Variants in ATP8A2 observed in about 807,000 individuals in gnomAD.
ATP8A2 encodes the protein ATPase phospholipid transporting 8A2.
ATP8A2 carries 100 observed loss-of-function variants against 165.6 expected under a neutral mutation model. The ratio of observed to expected loss-of-function variants is 0.60; its 90% confidence interval spans 0.51 to 0.71. The LOEUF (loss-of-function observed/expected upper bound fraction) is 0.71. ATP8A2 is among the 30% of genes least tolerant of loss of function. The probability of loss-of-function intolerance (pLI) is 0.00; values close to 1 mark genes in which losing one functional copy is unlikely to be tolerated. For missense variants in ATP8A2, 1,227 were observed against 1,479.5 expected, an observed-to-expected ratio of 0.83 and a Z score of 2.80; for synonymous variants, 543 against 548.8, an observed-to-expected ratio of 0.99 and a Z score of 0.15.
chr13:25,569,356 A>G (rs1056606203), intron 16 of ATP8A2, among the ~76,000 whole-genome samples: 3 of 152,214 alleles, frequency 2.0e-5, no homozygotes, highest in Non-Finnish European at 4.4e-5. Flanking sequence ...CACATTCACA[A>G]GACAGAGAAG....
At chr13:25,472,328 A>G (rs949347027) in intron 2 of ATP8A2, among the ~76,000 whole-genome samples, 6 of 151,412 alleles carry the variant, frequency 4.0e-5, no homozygotes, top group African/African-American at 1.5e-4. Context: ...CAGGAGGCAG[A>G]GATTGCAATG....
At chr13:25,556,855 C>T (rs2038996945) in intron 13 of ATP8A2, among the ~76,000 whole-genome samples, 1 of 152,160 alleles carries the variant, frequency 6.6e-6, no homozygotes, top group Non-Finnish European at 1.5e-5. Context: ...CCAAGCTTCC[C>T]TGCCTGGTGA....
At chr13:25,632,076 A>G (rs528295065) in intron 24 of ATP8A2, among the ~76,000 whole-genome samples, 1 of 152,102 alleles carries the variant, frequency 6.6e-6, no homozygotes, top group Admixed American at 6.6e-5. Flanking sequence ...AAACTCAGGG[A>G]AACACTTTAC....
intron 33 of ATP8A2, among the ~76,000 whole-genome samples, chr13:25,919,284 C>T (rs1954368120): frequency 6.6e-6 from 1 of 152,204 alleles, no homozygotes; most frequent in South Asian, 2.1e-4. Context: ...TCCGCTAAAG[C>T]ATCCAGCATA....
intron 27 of ATP8A2, among the ~76,000 whole-genome samples, chr13:25,788,566 T>A (rs748422847): frequency 2.4e-4 from 36 of 152,186 alleles, no homozygotes; most frequent in Non-Finnish European, 4.0e-4. Flanking sequence ...ATCCAGAATC[T>A]TCCCCACAAC....
At chr13:26,018,673 G>A in intron 36 of ATP8A2, among the ~76,000 whole-genome samples, 1 of 152,160 alleles carries the variant, frequency 6.6e-6, no homozygotes, top group East Asian at 1.9e-4. Flanking sequence ...GGGCCAGTTG[G>A]AAGAAAAGCC....
chr13:25,874,138 C>A (rs2138821353), intron 33 of ATP8A2, among the ~76,000 whole-genome samples: 1 of 152,290 alleles, frequency 6.6e-6, no homozygotes, highest in East Asian at 1.9e-4. Context: ...CTTCCTGTTG[C>A]CCTCAGGATA....
chr13:25,802,789 C>T (rs938554931), intron 27 of ATP8A2, among the ~76,000 whole-genome samples: 11 of 152,140 alleles, frequency 7.2e-5, no homozygotes, highest in Admixed American at 2.6e-4. Context: ...TTCCACTTCC[C>T]TTTCATTCCA....
intron 35 of ATP8A2, among the ~76,000 whole-genome samples, chr13:25,983,636 T>A (rs1475231007): frequency 6.6e-6 from 1 of 152,204 alleles, no homozygotes; most frequent in Non-Finnish European, 1.5e-5. Flanking sequence ...CTGAGAACTT[T>A]CCAGGCATGG....
In ATP8A2 at chr13:26,022,301, A is replaced by G. The variant is rs529152035; in HGVS notation, c.*2316A>G. The G allele has an allele frequency of 5.6e-4, 85 of 152,354 alleles. No homozygotes were observed. Among genetic ancestry groups the G allele is most frequent in the African/African-American group, 2.0e-3 (83 of 41,582 alleles). The allele number at this position is 152,354 out of a possible 1,614,324, so 9.4% of individuals were successfully genotyped here. A position where few individuals can be genotyped will look rare whatever the true frequency, so the allele number is the denominator to read the frequency against. The stretch of plus-strand genomic sequence containing the variant: ...ATTTGGGAACTAAGCCTATTTGGAA[A>G]GAGTGGATTAGAAATTGAATTCTTT... On this transcript the variant is annotated 3_prime_UTR_variant, in exon 37 of 37. Coordinates refer to ENST00000381655, the MANE Select transcript of ATP8A2 (RefSeq NM_016529.6).
rs534351134 is a variant in ATP8A2 at position 25,793,281 on chromosome 13, G to A, written c.2679+18322G>A. 7.2e-5 allele frequency among the ~76,000 whole-genome samples: 11 copies of A among 152,208 alleles called. No homozygotes were observed. In the South Asian group the frequency reaches 2.1e-3, roughly 29 times the overall value. On this transcript the variant is annotated intron_variant, in intron 27 of 36. Transcript: ENST00000381655. Reference sequence around the variant, plus strand: ...TTCACATACCTGTTTTAATTGCTCTGGAGAATGCCTGATTCTCTGAGTTAT... The same window carrying A: ...TTCACATACCTGTTTTAATTGCTCTAGAGAATGCCTGATTCTCTGAGTTAT...
chr13:25,817,934 A>G (rs944580479), intron 27 of ATP8A2, among the ~76,000 whole-genome samples: 2 of 151,932 alleles, frequency 1.3e-5, no homozygotes, highest in Non-Finnish European at 2.9e-5. Flanking sequence ...TGCTGCCTCA[A>G]CCTCCCAAAG....
chr13:26,015,185 C>T (rs188781655), intron 36 of ATP8A2, among the ~76,000 whole-genome samples: 78 of 152,262 alleles, frequency 5.1e-4, no homozygotes, highest in African/African-American at 1.8e-3. Flanking sequence ...TCTGAAATCA[C>T]ACCACATTTT....
rs563411682 is a variant in ATP8A2, at chr13:25,654,446, T to C, written c.2212-44727T>C. Among the ~76,000 whole-genome samples, 6 of 152,310 alleles carry C rather than the reference T, an allele frequency of 3.9e-5. 1 individual carries two copies. In the East Asian group the frequency reaches 9.7e-4, roughly 25 times the overall value. On this transcript the variant is annotated intron_variant, in intron 24 of 36. Coordinates refer to ENST00000381655, the MANE Select transcript of ATP8A2 (RefSeq NM_016529.6). ...TTTAAACTCCTGGGCTCAAATGATC[T>C]GCCCGCCTTGGCCTCCTCCCAAAGT...
intron 25 of ATP8A2, among the ~76,000 whole-genome samples, chr13:25,713,272 C>T (rs772956180): frequency 6.6e-6 from 1 of 152,152 alleles, no homozygotes; most frequent in Non-Finnish European, 1.5e-5. Flanking sequence ...CAAATGTCAT[C>T]GTTCCCACTA....
At chr13:25,920,877 G>C (rs1247788895) in intron 33 of ATP8A2, among the ~76,000 whole-genome samples, 6 of 152,228 alleles carry the variant, frequency 3.9e-5, no homozygotes, top group African/African-American at 1.4e-4. Flanking sequence ...AGGAGTTCGA[G>C]ACCAGCCTGG....
At chr13:25,468,934 A>C in intron 1 of ATP8A2, 43 bp from the exon 2 acceptor site, 1 of 1,586,324 alleles carries the variant, frequency 6.3e-7, no homozygotes, top group South Asian at 1.1e-5. Flanking sequence ...CTGGCGGTTG[A>C]CTTCTTTGTG....
Position 25,399,429 on chromosome 13 carries a change from C to T in ATP8A2, c.76+27141C>T, listed in dbSNP as rs1171307730. Among the ~76,000 whole-genome samples the T allele has an allele frequency of 4.2e-3, 317 of 75,778 alleles. 6 individuals carry two copies. In the Admixed American group the frequency reaches 0.054, roughly 13 times the overall value. The allele number at this position is 75,778 out of a possible 152,430, so 49.7% of individuals were successfully genotyped here. A position where few individuals can be genotyped will look rare whatever the true frequency, so the allele number is the denominator to read the frequency against. The stretch of plus-strand genomic sequence containing the variant: ...TTTTTTTTTTTTTGAGACGGAGTTT[C>T]GCTCTGTCGCCCAGGCTGGAGTGCA... On this transcript the variant is annotated intron_variant, in intron 1 of 36. Coordinates refer to ENST00000381655, the MANE Select transcript of ATP8A2 (RefSeq NM_016529.6).
intron 25 of ATP8A2, among the ~76,000 whole-genome samples, chr13:25,729,585 C>T (rs1008041633): frequency 1.2e-4 from 18 of 152,134 alleles, no homozygotes; most frequent in Admixed American, 2.0e-4. Context: ...TGTCGCGACA[C>T]GTGTGTCTTT....
Sources: allele counts gnomAD v4.1 joint callset (sites outside exome capture counted in the v4.1 genomes callset), GRCh38; gene constraint gnomAD v4.1.1; transcripts MANE v1.5; gene names NCBI Gene and HGNC (gene_info 2026-07-23, HGNC 2026-07-21).